The following AURKB variants were observed in gnomAD, a reference collection of about 807,000 sequenced individuals.
AURKB encodes aurora kinase B-Sv1.
In AURKB, 28 loss-of-function variants were observed where a neutral mutation model predicts 36.5. The ratio of observed to expected loss-of-function variants is 0.77; its 90% CI spans 0.57 to 1.05. The LOEUF is 1.05. Ranked by LOEUF, AURKB falls within the 50% of genes least tolerant of loss-of-function variation. The pLI, the probability that AURKB is intolerant of heterozygous loss-of-function variation, is 0.00. For missense variants in AURKB, 383 were observed against 447.4 expected (o/e 0.86, Z 1.30); for synonymous variants, 175 against 172.9 (o/e 1.01, Z -0.09).
Position 8,204,992 on chromosome 17 carries a change from G to T in AURKB, c.914C>A (p.Ser305Tyr). 1 of 1,606,112 alleles carries T rather than the reference G, an allele frequency of 6.2e-7. No homozygotes were observed. The highest frequency in any genetic ancestry group is 8.5e-7 in the Non-Finnish European group (1 of 1,177,612). ...SVPMGAQDLI[S>Y]KLLRHNPSER... ...CGAGGGGTTATGCCTGAGCAGTTTG[G>T]AGATGAGGTCCTGGGCTCCCATGGG... Residue 305 changes from serine to tyrosine, a missense_variant, in exon 9 of 9, where the codon TCC (serine) becomes TAC (tyrosine). Around this residue, in one of 3 missense-constraint regions of AURKB, gnomAD observed 219 missense variants for 252.6 expected, o/e 0.87. Coordinates refer to ENST00000585124, the MANE Select transcript of AURKB (RefSeq NM_004217.4).
chr17:8,207,738 C>A lies in AURKB; in HGVS notation c.151G>T (p.Ala51Ser), dbSNP rs548042738. Residue 51 changes from alanine (A) to serine (S), a missense_variant and splice_region_variant, in exon 3 of 9, where the codon GCT becomes TCT. Around this residue, in one of 3 missense-constraint regions of AURKB, gnomAD observed 105 missense variants for 95.7 expected, o/e 1.10. Transcript: ENST00000585124. ...LMSRSNVQPT[A>S]APGQKVMENS... ...GTCCTCTCCCCCTTGCGCCAGTTAC[C>A]TGTGGGCTGGACATTGGAGCGGCTC... 7 of 1,614,156 alleles carry A rather than the reference C, an allele frequency of 4.3e-6. No individual in the cohort carries two copies. Among genetic ancestry groups the A allele is most frequent in the Non-Finnish European group, 5.9e-6 (7 of 1,179,996 alleles).
chr17:8,205,447 C>T lies in AURKB; in HGVS notation c.687-57G>A, dbSNP rs114919089. The T allele has an allele frequency of 2.7e-3, 4,262 of 1,576,956 alleles. 113 individuals carry two copies. The African/African-American group carries it at 0.052, about 19-fold the overall frequency. ...CTAGTGACATAGGAACTCTCCTTTC[C>T]CTGCTGCCTGACGGCTGGGAGCCAA... On this transcript the variant is annotated intron_variant, in intron 7 of 8. Coordinates refer to ENST00000585124, the MANE Select transcript of AURKB (RefSeq NM_004217.4).
intron 1 of AURKB, 65 bp from the exon 2 acceptor site, chr17:8,210,314 C>G: frequency 1.7e-6 from 2 of 1,207,458 alleles, no homozygotes; most frequent in Non-Finnish European, 2.4e-6. Flanking sequence ...AGGGGTTGGA[C>G]CGATCGAGCC....
Position 8,205,236 on chromosome 17 carries a change from T to C in AURKB, c.841A>G (p.Thr281Ala), listed in dbSNP as rs1357061315. ...CCCACCTTGACGATGCGGCGATAGG[T>C]CTCGTTGTGTGATGCACTCTCAAAG... Reference protein sequence around the residue: ...PPFESASHNETYRRIVKVDLK... With the variant: ...PPFESASHNEAYRRIVKVDLK... The change falls in exon 8 of 9, where the codon ACC (threonine) becomes GCC (alanine). Residue 281 changes from threonine (T) to alanine (A), a missense_variant. Physicochemically the swap from Thr to Ala is moderately conservative, Grantham distance 58. This residue lies in a region of AURKB where 219 missense variants were observed against 252.6 expected (regional missense o/e 0.87). Coordinates refer to ENST00000585124, the MANE Select transcript of AURKB (RefSeq NM_004217.4). The C allele has an allele frequency of 1.9e-6, 3 of 1,613,610 alleles. No homozygotes were observed. Among genetic ancestry groups the C allele is most frequent in the East Asian group, 2.2e-5 (1 of 44,860 alleles).
At position 8,206,161 on chromosome 17, in the gene AURKB, C is replaced by T. The variant is rs1469955492; in HGVS notation, c.686+330G>A. Among the ~76,000 whole-genome samples the T allele has an allele frequency of 7.2e-6, 1 of 138,514 alleles. No homozygotes were observed. Among genetic ancestry groups the T allele is most frequent in the Admixed American group, 7.3e-5 (1 of 13,674 alleles). 90.9% of individuals were successfully genotyped at this position (138,514 alleles called of 152,430 possible). The stretch of plus-strand genomic sequence containing the variant: ...TTTTTTTTTTTTTGAGACAGAGTCT[C>T]GATCTGTCACACAGGCTGGAGTGCA... On this transcript the variant is annotated intron_variant, in intron 7 of 8. Transcript: ENST00000585124. This position sits in a 1 kb window ranked among gnomAD's most constrained non-coding sequence, Gnocchi z 4.2.
chr17:8,204,846 G>A lies in AURKB; in HGVS notation c.*25C>T, dbSNP rs199911759. 2,984 of 1,610,812 alleles carry A rather than the reference G, an allele frequency of 1.9e-3. 11 individuals carry two copies. Among genetic ancestry groups the A allele is most frequent in the Non-Finnish European group, 2.2e-3 (2,594 of 1,179,048 alleles). ...TACATACACAGACATACAAACACACGCACCCGAGTGAATGACAGGGACCAT... is the reference window on the plus strand; with the variant it reads ...TACATACACAGACATACAAACACACACACCCGAGTGAATGACAGGGACCAT... On this transcript the variant is annotated 3_prime_UTR_variant, in exon 9 of 9. Transcript: ENST00000585124.
intron 2 of AURKB, among the ~76,000 whole-genome samples, chr17:8,208,995 T>G (rs1191350852): frequency 6.6e-6 from 1 of 151,546 alleles, no homozygotes; most frequent in East Asian, 1.9e-4. Flanking sequence ...CTGATGGCCC[T>G]GGACCACTTC....
chr17:8,207,621 G>A lies in AURKB; in HGVS notation c.156C>T (p.Ala52=), dbSNP rs775161173. 3.1e-6 allele frequency: 5 copies of A among 1,613,774 alleles called. No homozygotes were observed. The South Asian group carries it at 3.3e-5, about 11-fold the overall frequency. Residue 52 remains alanine, a synonymous_variant, in exon 4 of 9, where the codon GCC becomes GCT. Coordinates refer to ENST00000585124, the MANE Select transcript of AURKB (RefSeq NM_004217.4). The part of the protein sequence containing the change: ...MSRSNVQPTA[A]PGQKVMENSS... ...TATTCTCCATCACCTTCTGGCCAGG[G>A]GCAGCTAAGGAGAGAACAGGTAGGT...
intron 2 of AURKB, among the ~76,000 whole-genome samples, chr17:8,209,081 T>C (rs911168738): frequency 2.0e-5 from 3 of 150,582 alleles, no homozygotes; most frequent in Admixed American, 1.3e-4. Context: ...AGTGCAATGG[T>C]GCCATCTCGG....
intron 1 of AURKB, 23 bp from the exon 2 acceptor site, chr17:8,210,272 C>G (rs1352046171): frequency 1.3e-6 from 2 of 1,493,264 alleles, no homozygotes; most frequent in Non-Finnish European, 1.8e-6. Context: ...GGGAAACAGC[C>G]GTGAGAAGCA....
chr17:8,207,653 C>T (rs77564398), intron 3 of AURKB, 28 bp from the exon 4 acceptor site: 50 of 1,613,464 alleles, frequency 3.1e-5, no homozygotes, highest in Non-Finnish European at 3.6e-5. Flanking sequence ...AGGTTGAATG[C>T]GAACAGGGAT....
rs1984977266 is a variant in AURKB, at chr17:8,204,768, G to A, written c.*103C>T. On this transcript the variant is annotated 3_prime_UTR_variant, in exon 9 of 9. Transcript: ENST00000585124. ...AAAGCTTCAGCCTTTATTAAACAAA[G>A]GAGGAGGTAGAAAACAGATAAGGGA... 2 of 1,466,820 alleles carry A rather than the reference G, an allele frequency of 1.4e-6. No homozygotes were observed. Among genetic ancestry groups the A allele is most frequent in the South Asian group, 1.2e-5 (1 of 82,346 alleles). The allele number at this position is 1,466,820 out of a possible 1,614,324, so 90.9% of individuals were successfully genotyped here. A position where few individuals can be genotyped will look rare whatever the true frequency, so the allele number is the denominator to read the frequency against.
intron 5 of AURKB, 119 bp downstream of exon 5, chr17:8,207,057 G>A: frequency 1.4e-6 from 2 of 1,433,788 alleles, no homozygotes; most frequent in South Asian, 1.3e-5. Context: ...AGGACTAAGA[G>A]CTAAATGGGG....
rs940727023 is a variant in AURKB, at chr17:8,206,130, A to ATTT, written c.686+358_686+360dup. Among the ~76,000 whole-genome samples the ATTT allele has an allele frequency of 1.7e-5, 2 of 120,904 alleles. No individual in the cohort carries two copies. Among genetic ancestry groups the ATTT allele is most frequent in the African/African-American group, 3.0e-5 (1 of 33,058 alleles). The allele number at this position is 120,904 out of a possible 152,430, so 79.3% of individuals were successfully genotyped here. A position where few individuals can be genotyped will look rare whatever the true frequency, so the allele number is the denominator to read the frequency against. ...GGGTTATTAGCACCACACTCTAACC[A>ATTT]TTTTTTTTTTTTTTTTTTGAGACAG... On this transcript the variant is annotated intron_variant, in intron 7 of 8. Transcript: ENST00000585124. The surrounding 1 kb of genome is among the most constrained non-coding windows in gnomAD (Gnocchi z 4.2).
Position 8,206,555 on chromosome 17 carries a change from A to G in AURKB, c.622T>C (p.Leu208=). The change falls in exon 7 of 9, where the codon TTA becomes CTA. Residue 208 remains leucine (L), a synonymous_variant. Coordinates refer to ENST00000585124, the MANE Select transcript of AURKB (RefSeq NM_004217.4). The surrounding 1 kb of genome is among the most constrained non-coding windows in gnomAD (Gnocchi z 4.2). The part of the protein sequence containing the change: ...HRDIKPENLL[L]GLKGELKIAD... Reference sequence around the variant, plus strand: ...ATCTTCAGCTCTCCCTTGAGCCCTAAGAGCAGATTTTCTGGCTTTATGTCT... The same window carrying G: ...ATCTTCAGCTCTCCCTTGAGCCCTAGGAGCAGATTTTCTGGCTTTATGTCT... The G allele has an allele frequency of 6.2e-7, 1 of 1,614,188 alleles. No individual in the cohort carries two copies.
intron 7 of AURKB, 124 bp from the exon 8 acceptor site, chr17:8,205,514 G>C: frequency 9.7e-6 from 12 of 1,233,216 alleles, no homozygotes; most frequent in Non-Finnish European, 1.4e-5. Flanking sequence ...AGCCAGGCAA[G>C]GCCACTGGAG....
At chr17:8,209,853 T>C (rs1276411779) in intron 2 of AURKB, 2 of 418,698 alleles carry the variant, frequency 4.8e-6, no homozygotes, top group East Asian at 4.3e-5. Flanking sequence ...TAGTTTTTTT[T>C]TTTTCAGGAT....
At position 8,206,506 on chromosome 17, in the gene AURKB, T is replaced by A; in HGVS notation, c.671A>T (p.His224Leu). ...GCCACCATACCTCAGGGAGGGCGCA[T>A]GCACAGACCAGCCGAAGTCAGCAAT... Reference protein sequence around the residue: ...LKIADFGWSVHAPSLRRKTMC... With the variant: ...LKIADFGWSVLAPSLRRKTMC... Residue 224 changes from histidine to leucine, a missense_variant, in exon 7 of 9, where the codon CAT becomes CTT. Physicochemically the swap from His to Leu is moderately conservative, Grantham distance 99. This residue lies in a region of AURKB where 219 missense variants were observed against 252.6 expected (regional missense o/e 0.87). Coordinates refer to ENST00000585124, the MANE Select transcript of AURKB (RefSeq NM_004217.4). This position sits in a 1 kb window ranked among gnomAD's most constrained non-coding sequence, Gnocchi z 4.2. The A allele has an allele frequency of 6.2e-7, 1 of 1,614,118 alleles. No individual in the cohort carries two copies. Among genetic ancestry groups the A allele is most frequent in the Non-Finnish European group, 8.5e-7 (1 of 1,180,010 alleles).
Position 8,207,323 on chromosome 17 carries a change from C to T in AURKB, c.251G>A (p.Gly84Asp), listed in dbSNP as rs1479941422. The change falls in exon 5 of 9, where the codon GGC becomes GAC. Residue 84 changes from glycine (G) to aspartate (D), a missense_variant. Physicochemically the swap from Gly to Asp is moderately conservative, Grantham distance 94 (BLOSUM62 -1). Transcript: ENST00000585124. ...IDDFEIGRPL[G>D]KGKFGNVYLA... The stretch of plus-strand genomic sequence containing the variant: ...GTACACGTTTCCAAACTTGCCTTTG[C>T]CCAGAGGACGCCCAATCTCAAAGTC... 2 of 1,614,154 alleles carry T rather than the reference C, an allele frequency of 1.2e-6. No homozygotes were observed. Among genetic ancestry groups the T allele is most frequent in the Non-Finnish European group, 1.7e-6 (2 of 1,180,018 alleles).
Sources: allele counts gnomAD v4.1 joint callset (sites outside exome capture counted in the v4.1 genomes callset), GRCh38; gene constraint gnomAD v4.1.1; regional missense constraint gnomAD v4.1.1; non-coding constraint Gnocchi (gnomAD v3.1); transcripts MANE v1.5; gene names NCBI Gene and HGNC (gene_info 2026-07-23, HGNC 2026-07-21).